The following KIAA1217 variants were observed in gnomAD, a reference collection of about 807,000 sequenced individuals.
KIAA1217 encodes the protein KIAA1217, also known as sickle tail protein homolog.
Under a neutral mutation model 163.9 loss-of-function variants are expected in KIAA1217, and 88 were observed. The observed-to-expected ratio is 0.54, with a 90% CI of 0.45 to 0.64. KIAA1217 has a LOEUF of 0.64. Among genes scored for constraint, KIAA1217 ranks in the 30% least tolerant of loss-of-function variants. KIAA1217 has a pLI of 0.00. For missense variants in KIAA1217, 2,372 were observed against 2,475.0 expected, an observed-to-expected ratio of 0.96 and a Z score of 0.88; for synonymous variants, 903 against 923.1, an observed-to-expected ratio of 0.98 and a Z score of 0.39.
rs147701688 is a variant in KIAA1217 at position 24,264,843 on chromosome 10, C to G, written c.354+44934C>G. Among the ~76,000 whole-genome samples the G allele has an allele frequency of 1.3e-3, 202 of 151,464 alleles. 5 individuals are homozygous for G. The highest frequency in any genetic ancestry group is 8.6e-3 in the Admixed American group (130 of 15,166). The stretch of plus-strand genomic sequence containing the variant: ...TCTCTCTCTCCCTTTCTCCCTTTCT[C>G]TCTTTCTCTGTCTCTCTTTCTCTCT... On this transcript the variant is annotated intron_variant, in intron 2 of 20. Coordinates refer to ENST00000376454, the MANE Select transcript of KIAA1217 (RefSeq NM_019590.5).
intron 1 of KIAA1217, among the ~76,000 whole-genome samples, chr10:23,999,962 G>A (rs1295663795): frequency 1.3e-5 from 2 of 152,124 alleles, no homozygotes; most frequent in East Asian, 1.9e-4. Context: ...AGCTACTCAG[G>A]AGGCTGAGTG....
At chr10:24,102,815 C>G (rs191728392) in intron 2 of KIAA1217, among the ~76,000 whole-genome samples, 1 of 152,186 alleles carries the variant, frequency 6.6e-6, no homozygotes, top group East Asian at 1.9e-4. Flanking sequence ...TGGCTGTGTC[C>G]CTACCCAAGT....
intron 2 of KIAA1217, among the ~76,000 whole-genome samples, chr10:24,144,845 C>A (rs1476543671): frequency 6.6e-6 from 1 of 152,192 alleles, no homozygotes; most frequent in East Asian, 1.9e-4. Flanking sequence ...AGTATCTCTG[C>A]TTTTCTCTTG....
intron 5 of KIAA1217, among the ~76,000 whole-genome samples, chr10:24,448,373 G>C (rs1340533354): frequency 6.6e-6 from 1 of 151,956 alleles, no homozygotes; most frequent in Non-Finnish European, 1.5e-5. Context: ...GAGAAATCTT[G>C]CTTTTATTTT....
At chr10:24,180,091 C>CA (rs918529999) in intron 2 of KIAA1217, among the ~76,000 whole-genome samples, 31 of 152,042 alleles carry the variant, frequency 2.0e-4, no homozygotes, top group African/African-American at 6.5e-4. Flanking sequence ...TGCTTTTAGG[C>CA]AAAAATAGGG....
At position 23,869,127 on chromosome 10, in the gene KIAA1217, T is replaced by G. The variant is rs113124166; in HGVS notation, c.-320-138098T>G. 2.4e-3 allele frequency among the ~76,000 whole-genome samples: 308 copies of G among 130,252 alleles called. 2 individuals carry two copies. Among genetic ancestry groups the G allele is most frequent in the African/African-American group, 9.6e-3 (290 of 30,094 alleles). The allele number at this position is 130,252 out of a possible 152,430, so 85.5% of individuals were successfully genotyped here. A position where few individuals can be genotyped will look rare whatever the true frequency, so the allele number is the denominator to read the frequency against. On this transcript the variant is annotated intron_variant, in intron 1 of 18. Transcript: ENST00000376462. ...TAACGTGCAATCATGAAATGTAGTT[T>G]TTTTTTTTTTTTTTTTTTTTTTTTT...
intron 3 of KIAA1217, among the ~76,000 whole-genome samples, chr10:24,429,100 G>GA (rs2059391565): frequency 6.6e-6 from 1 of 152,150 alleles, no homozygotes. Flanking sequence ...TGATGGTTTG[G>GA]ATAGGTATAG....
intron 2 of KIAA1217, among the ~76,000 whole-genome samples, chr10:24,073,317 G>A (rs937187641): frequency 6.6e-6 from 1 of 151,998 alleles, no homozygotes; most frequent in Non-Finnish European, 1.5e-5. Context: ...TGTGAGTAGC[G>A]AGCCGTTCAC....
intron 1 of KIAA1217, among the ~76,000 whole-genome samples, chr10:23,757,546 C>T (rs892394092): frequency 1.3e-5 from 2 of 152,046 alleles, no homozygotes; most frequent in Non-Finnish European, 2.9e-5. Context: ...GAGATGGAGT[C>T]TCACTCTGTC....
intron 17 of KIAA1217, among the ~76,000 whole-genome samples, chr10:24,538,425 C>A (rs981898544): frequency 6.6e-6 from 1 of 151,928 alleles, no homozygotes; most frequent in Admixed American, 6.6e-5. Flanking sequence ...CACCTGTAAT[C>A]CCAGCATTTT....
At chr10:24,298,239 T>C (rs1398281419) in intron 2 of KIAA1217, among the ~76,000 whole-genome samples, 1 of 152,190 alleles carries the variant, frequency 6.6e-6, no homozygotes, top group Non-Finnish European at 1.5e-5. Context: ...GCTCCTGATG[T>C]CATTGTACCT....
Position 24,533,192 on chromosome 10 carries a change from G to T in KIAA1217, c.3369G>T (p.Glu1123Asp). The T allele has an allele frequency of 6.2e-7, 1 of 1,613,388 alleles. No individual in the cohort carries two copies. The highest frequency in any genetic ancestry group is 8.5e-7 in the Non-Finnish European group (1 of 1,179,786). ...PPVTTSSSKD[E>D]EEEEEEGDKI... ...TCACCACCTCCTCCTCAAAGGATGA[G>T]GAGGAAGAAGAAGAAGAAGGAGACA... The change falls in exon 16 of 21, where the codon GAG becomes GAT. Residue 1123 changes from glutamate to aspartate, a missense_variant. Coordinates refer to ENST00000376454, the MANE Select transcript of KIAA1217 (RefSeq NM_019590.5).
intron 1 of KIAA1217, among the ~76,000 whole-genome samples, chr10:23,966,276 A>G (rs976505024): frequency 6.6e-6 from 1 of 152,332 alleles, no homozygotes; most frequent in East Asian, 1.9e-4. Flanking sequence ...CTGCCAAGAG[A>G]CTGAGCAAAG....
At chr10:23,708,840 C>A (rs935205180) in intron 1 of KIAA1217, among the ~76,000 whole-genome samples, 2 of 152,076 alleles carry the variant, frequency 1.3e-5, no homozygotes, top group Non-Finnish European at 2.9e-5. Flanking sequence ...TGGGGCCAGA[C>A]AGAGGTGGAG....
At chr10:24,405,885 A>C (rs534885597) in intron 3 of KIAA1217, among the ~76,000 whole-genome samples, 1 of 152,318 alleles carries the variant, frequency 6.6e-6, no homozygotes, top group East Asian at 1.9e-4. Flanking sequence ...TGAATATGGA[A>C]ATAATGCATT....
At chr10:23,727,800 C>A (rs1472736675) in intron 1 of KIAA1217, among the ~76,000 whole-genome samples, 2 of 151,990 alleles carry the variant, frequency 1.3e-5, no homozygotes, top group South Asian at 2.1e-4. Flanking sequence ...TCCTCTAGAC[C>A]CCCCACCTCC....
chr10:24,239,443 T>A (rs2072744649), intron 2 of KIAA1217: 6 of 302,012 alleles, frequency 2.0e-5, no homozygotes, highest in Non-Finnish European at 2.9e-5. Context: ...AGTGAATCAA[T>A]AAGCCCAGCT....
chr10:24,504,839 C>T (rs1429186143), intron 9 of KIAA1217, among the ~76,000 whole-genome samples: 1 of 152,122 alleles, frequency 6.6e-6, no homozygotes, highest in Non-Finnish European at 1.5e-5. Flanking sequence ...GTTGCAGACA[C>T]AATGGGGTGG....
At chr10:24,154,236 C>T (rs1396503940) in intron 2 of KIAA1217, among the ~76,000 whole-genome samples, 1 of 151,912 alleles carries the variant, frequency 6.6e-6, no homozygotes, top group African/African-American at 2.4e-5. Context: ...GGATTACAGG[C>T]GTGAGCCACC....
Sources: gnomAD v4.1 joint callset for allele counts (sites outside exome capture counted in the v4.1 genomes callset) on GRCh38, gnomAD v4.1.1 for gene constraint, MANE v1.5 for transcripts, NCBI Gene and HGNC (gene_info 2026-07-23, HGNC 2026-07-21) for gene names.